Variants in FBXO34 observed in about 807,000 individuals in gnomAD.
The protein encoded by FBXO34 is F-box only protein 34.
Under a neutral mutation model 24.5 loss-of-function variants are expected in FBXO34, and 12 were observed. The observed-to-expected ratio is 0.49, with a 90% CI of 0.31 to 0.79. The LOEUF (loss-of-function observed/expected upper bound fraction) is 0.79, where lower values mean the gene tolerates loss of function less well. Ranked by LOEUF, FBXO34 falls within the 30% of genes least tolerant of loss-of-function variation. The pLI, the probability that FBXO34 is intolerant of heterozygous loss-of-function variation, is 0.04. For missense variants in FBXO34, 823 were observed against 857.7 expected (o/e 0.96, Z 0.51); for synonymous variants, 320 against 311.9 (o/e 1.03, Z -0.27).
chr14:55,409,762 T>C, the FBXO34 span, among the ~76,000 whole-genome samples: 1 of 152,112 alleles, frequency 6.6e-6, no homozygotes, highest in Non-Finnish European at 1.5e-5. Flanking sequence ...ATATAGAACT[T>C]TGGTTAAGGA....
chr14:55,400,445 C>T, the FBXO34 span, among the ~76,000 whole-genome samples: 2 of 152,112 alleles, frequency 1.3e-5, no homozygotes, highest in Non-Finnish European at 2.9e-5. Context: ...CTAATAGGTA[C>T]ACGGCATTTC....
At chr14:55,402,926 AAT>A in the FBXO34 span, among the ~76,000 whole-genome samples, 482 of 16,386 alleles carry the variant, frequency 0.029, 3 homozygotes, top group Middle Eastern at 0.045. Context: ...AAAAAAAAAA[AAT>A]ATATATATAT....
the FBXO34 span, chr14:55,412,001 G>T: frequency 3.9e-5 from 24 of 619,366 alleles, no homozygotes; most frequent in African/African-American, 4.1e-4. Flanking sequence ...GGGGCAACAG[G>T]TCCCGAAGCA....
the FBXO34 span, among the ~76,000 whole-genome samples, chr14:55,389,372 G>A: frequency 6.6e-6 from 1 of 152,188 alleles, no homozygotes; most frequent in Non-Finnish European, 1.5e-5. Context: ...GAGAATGCAT[G>A]CAAGACTGGG....
At chr14:55,440,406 C>T in the FBXO34 span, 3 of 1,612,906 alleles carry the variant, frequency 1.9e-6, no homozygotes, top group Admixed American at 5.0e-5. Context: ...CTGAGCGGCG[C>T]ACTGGTCCAG....
chr14:55,397,430 T>C, the FBXO34 span: 1 of 1,611,622 alleles, frequency 6.2e-7, no homozygotes, highest in Non-Finnish European at 8.5e-7. Flanking sequence ...TTCTTGTCGA[T>C]AAACCTGTAA....
the FBXO34 span, among the ~76,000 whole-genome samples, chr14:55,412,389 GTAT>G: frequency 1.7e-4 from 26 of 152,166 alleles, no homozygotes; most frequent in African/African-American, 6.3e-4. Flanking sequence ...ATGGTTAATA[GTAT>G]TATACTTTAC....
At chr14:55,441,531 TATC>T in the FBXO34 span, among the ~76,000 whole-genome samples, 4 of 152,248 alleles carry the variant, frequency 2.6e-5, no homozygotes, top group African/African-American at 7.2e-5. Context: ...ATTTTTACAT[TATC>T]ATTACTTCTC....
At chr14:55,404,123 A>G in the FBXO34 span, among the ~76,000 whole-genome samples, 4 of 152,190 alleles carry the variant, frequency 2.6e-5, no homozygotes, top group Non-Finnish European at 4.4e-5. Context: ...GGAGTTCACA[A>G]ATATCTATCC....
intron 3 of FBXO34, among the ~76,000 whole-genome samples, chr14:55,359,485 A>G (rs1884565135): frequency 6.6e-6 from 1 of 152,254 alleles, no homozygotes; most frequent in African/African-American, 2.4e-5. Flanking sequence ...AAAACAATGT[A>G]CATTAAGGAA....
chr14:55,384,630 T>G, the FBXO34 span, among the ~76,000 whole-genome samples: 1 of 152,252 alleles, frequency 6.6e-6, no homozygotes, highest in Non-Finnish European at 1.5e-5. Context: ...AAGCTGGAAG[T>G]AGCAATCAGT....
At chr14:55,405,077 A>C in the FBXO34 span, among the ~76,000 whole-genome samples, 6 of 152,220 alleles carry the variant, frequency 3.9e-5, no homozygotes, top group Non-Finnish European at 4.4e-5. Flanking sequence ...AACAAACTCC[A>C]TGGGACAGGA....
chr14:55,400,289 C>T, the FBXO34 span, among the ~76,000 whole-genome samples: 1 of 152,068 alleles, frequency 6.6e-6, no homozygotes, highest in Non-Finnish European at 1.5e-5. Context: ...TATATTCAAA[C>T]CAAATTTAAT....
chr14:55,353,592 A>G lies in FBXO34; in HGVS notation c.*1066A>G. The G allele has an allele frequency of 6.0e-6, 1 of 167,132 alleles. No homozygotes were observed. The highest frequency in any genetic ancestry group is 1.5e-5 in the Non-Finnish European group (1 of 68,126). The allele number at this position is 167,132 out of a possible 1,614,324, so 10.4% of individuals were successfully genotyped here. A position where few individuals can be genotyped will look rare whatever the true frequency, so the allele number is the denominator to read the frequency against. Reference sequence around the variant, plus strand: ...CAAAATTTTTTAAAACTTAAATAAAAACATGCATCTTAAATGGAACCCAAG... The same window carrying G: ...CAAAATTTTTTAAAACTTAAATAAAGACATGCATCTTAAATGGAACCCAAG... On this transcript the variant is annotated 3_prime_UTR_variant, in exon 2 of 2. Transcript: ENST00000313833.
intron 1 of FBXO34, among the ~76,000 whole-genome samples, chr14:55,343,786 A>G (rs1390111127): frequency 1.3e-5 from 2 of 152,110 alleles, no homozygotes; most frequent in African/African-American, 4.8e-5. Flanking sequence ...TTTTCTGACC[A>G]CGTATTGTCA....
chr14:55,390,763 C>T, the FBXO34 span: 7 of 604,652 alleles, frequency 1.2e-5, no homozygotes, highest in Middle Eastern at 2.6e-4. Flanking sequence ...AAATGTTTTA[C>T]AAGGAAAGAT....
chr14:55,337,184 G>A (rs1459580219), intron 1 of FBXO34, among the ~76,000 whole-genome samples: 2 of 151,986 alleles, frequency 1.3e-5, no homozygotes, highest in East Asian at 3.9e-4. Context: ...ATGTTGCCCA[G>A]GCTGGTCTCT....
At chr14:55,400,482 T>G in the FBXO34 span, among the ~76,000 whole-genome samples, 1 of 152,202 alleles carries the variant, frequency 6.6e-6, no homozygotes, top group African/African-American at 2.4e-5. Context: ...ATAATTTATT[T>G]ATATAAACCT....
intron 1 of FBXO34, among the ~76,000 whole-genome samples, chr14:55,341,301 C>T (rs1304524671): frequency 6.6e-6 from 1 of 152,156 alleles, no homozygotes. Flanking sequence ...AGAACCTGAT[C>T]AGATATTGAA....
Sources: gnomAD v4.1 joint callset for allele counts (sites outside exome capture counted in the v4.1 genomes callset) on GRCh38, gnomAD v4.1.1 for gene constraint, MANE v1.5 for transcripts, NCBI Gene and HGNC (gene_info 2026-07-23, HGNC 2026-07-21) for gene names.